The following VSTM2L variants were observed in gnomAD, a reference collection of about 807,000 sequenced individuals.
VSTM2L encodes V-set and transmembrane domain containing 2 like, also known as V-set and transmembrane domain-containing protein 2-like protein.
VSTM2L carries 9 observed loss-of-function variants against 19.9 expected under a neutral mutation model. That is an observed-to-expected ratio of 0.45 (90% CI 0.27 to 0.79). The LOEUF (loss-of-function observed/expected upper bound fraction) is 0.79. Among genes scored for constraint, VSTM2L ranks in the 30% least tolerant of loss-of-function variants. The pLI is 0.15. For synonymous variants in VSTM2L, 127 were observed against 133.8 expected (o/e 0.95, Z 0.35); for missense variants, 286 against 295.5 (o/e 0.97, Z 0.24).
intron 3 of VSTM2L, among the ~76,000 whole-genome samples, chr20:37,938,597 C>A (rs191238009): frequency 1.2e-4 from 19 of 152,338 alleles, no homozygotes; most frequent in African/African-American, 4.6e-4. Context: ...CCCGGAAAAG[C>A]CTGAGCTGTG....
intron 1 of VSTM2L, among the ~76,000 whole-genome samples, chr20:37,905,172 C>T (rs2072744836): frequency 6.6e-6 from 1 of 152,136 alleles, no homozygotes; most frequent in Non-Finnish European, 1.5e-5. Context: ...GAATTCCTCC[C>T]TCTCCACCCC....
intron 1 of VSTM2L, among the ~76,000 whole-genome samples, chr20:37,912,072 C>T (rs2072782898): frequency 6.6e-6 from 1 of 152,218 alleles, no homozygotes; most frequent in African/African-American, 2.4e-5. Flanking sequence ...CCCATTTACT[C>T]CCCACCATGC....
intron 3 of VSTM2L, among the ~76,000 whole-genome samples, chr20:37,941,390 G>A (rs1221020039): frequency 6.6e-6 from 1 of 152,226 alleles, no homozygotes; most frequent in Non-Finnish European, 1.5e-5. Context: ...AGAGGGCCCA[G>A]CACGCGCAAA....
chr20:37,939,912 C>T (rs4811361), intron 3 of VSTM2L, among the ~76,000 whole-genome samples: 22,916 of 152,120 alleles, frequency 0.15, 2,036 homozygotes, highest in African/African-American at 0.24. Context: ...AGGAAGAGCT[C>T]GTGTTCCTGA....
Position 37,931,491 on chromosome 20 carries a change from C to T in VSTM2L, c.122-144C>T. 3.4e-6 allele frequency: 3 copies of T among 881,152 alleles called. No individual in the cohort carries two copies. The South Asian group carries it at 5.0e-5, about 15-fold the overall frequency. 54.6% of individuals were successfully genotyped at this position (881,152 alleles called of 1,614,324 possible). ...TGCCCAGCTGAAGCCAGACCACTCC[C>T]ACCAGCGGGCTTGCAGGTCACCCCA... is the stretch of plus-strand genomic sequence containing the variant. On this transcript the variant is annotated intron_variant, in intron 1 of 3. Transcript: ENST00000373461.
chr20:37,923,529 C>T (rs192551836), intron 1 of VSTM2L, among the ~76,000 whole-genome samples: 1 of 152,204 alleles, frequency 6.6e-6, no homozygotes, highest in Non-Finnish European at 1.5e-5. Flanking sequence ...CCAGCGAGCC[C>T]AGCCCAGCTC....
intron 3 of VSTM2L, among the ~76,000 whole-genome samples, chr20:37,942,534 G>C (rs2072978365): frequency 6.6e-6 from 1 of 152,200 alleles, no homozygotes; most frequent in Non-Finnish European, 1.5e-5. Flanking sequence ...CCGATAACAG[G>C]TTGTGTCGAA....
intron 3 of VSTM2L, among the ~76,000 whole-genome samples, chr20:37,941,111 T>G (rs957263406): frequency 6.6e-6 from 1 of 152,214 alleles, no homozygotes; most frequent in Non-Finnish European, 1.5e-5. Flanking sequence ...ATTCAACAAA[T>G]GTTGATGATT....
At chr20:37,918,566 T>C (rs558325336) in intron 1 of VSTM2L, among the ~76,000 whole-genome samples, 48 of 152,384 alleles carry the variant, frequency 3.1e-4, no homozygotes, top group African/African-American at 1.1e-3. Flanking sequence ...ATTTTTCATT[T>C]ATGGCGGTAA....
intron 3 of VSTM2L, among the ~76,000 whole-genome samples, chr20:37,934,641 C>G (rs186104782): frequency 8.9e-4 from 135 of 152,272 alleles, no homozygotes; most frequent in Non-Finnish European, 8.1e-4. Context: ...GAGCTCAGGA[C>G]CCCAAGGCCA....
chr20:37,910,887 A>G (rs1271294082), intron 1 of VSTM2L, among the ~76,000 whole-genome samples: 2 of 151,328 alleles, frequency 1.3e-5, no homozygotes, highest in Non-Finnish European at 2.9e-5. Flanking sequence ...ACTGCACTCC[A>G]GCCTGGGTGA....
rs1600567982 is a variant in VSTM2L, at chr20:37,924,816, G to A, written c.122-6819G>A. ...ATTGAGCTGCCTGCTTTCAGTGGGGGTGAGAGGAACTGAGCTCCCCATCTC... is the reference window on the plus strand; with the variant it reads ...ATTGAGCTGCCTGCTTTCAGTGGGGATGAGAGGAACTGAGCTCCCCATCTC... On this transcript the variant is annotated intron_variant, in intron 1 of 3. Transcript: ENST00000373461. Among the ~76,000 whole-genome samples, 2 of 152,292 alleles carry A rather than the reference G, an allele frequency of 1.3e-5. 1 individual carries two copies. The highest frequency in any genetic ancestry group is 6.8e-3 in the Middle Eastern group (2 of 294).
At chr20:37,910,308 C>T (rs1464943086) in intron 1 of VSTM2L, among the ~76,000 whole-genome samples, 2 of 152,236 alleles carry the variant, frequency 1.3e-5, no homozygotes, top group African/African-American at 2.4e-5. Context: ...GGTGCGTGGG[C>T]ATGTCCGTGG....
At position 37,944,050 on chromosome 20, in the gene VSTM2L, GGCACCTACGAGTGCC is replaced by G; in HGVS notation, c.415_429del (p.Thr139_Arg143del). On this transcript the variant is annotated inframe_deletion, in exon 4 of 4. Coordinates refer to ENST00000373461, the MANE Select transcript of VSTM2L (RefSeq NM_080607.3). Reference sequence around the variant, plus strand: ...GTCCCGGGTGAAGCCCACGGACGAAGGCACCTACGAGTGCCGCGTCATCGACTTCAGCGACGGCAA... The same window carrying G: ...GTCCCGGGTGAAGCCCACGGACGAAGGCGTCATCGACTTCAGCGACGGCAA... 6.2e-7 allele frequency: 1 copy of G among 1,611,346 alleles called. No individual in the cohort carries two copies. Among genetic ancestry groups the G allele is most frequent in the Non-Finnish European group, 8.5e-7 (1 of 1,178,044 alleles).
chr20:37,937,173 A>G (rs2072945612), intron 3 of VSTM2L, among the ~76,000 whole-genome samples: 2 of 152,170 alleles, frequency 1.3e-5, no homozygotes, highest in Admixed American at 6.5e-5. Context: ...GTGAGCCGAG[A>G]TCGCACCACT....
chr20:37,944,945 T>A lies in VSTM2L; in HGVS notation c.*692T>A. 2.0e-6 allele frequency: 2 copies of A among 985,798 alleles called. No homozygotes were observed. Among genetic ancestry groups the A allele is most frequent in the South Asian group, 9.4e-5 (2 of 21,272 alleles). The allele number at this position is 985,798 out of a possible 1,614,324, so 61.1% of individuals were successfully genotyped here. A position where few individuals can be genotyped will look rare whatever the true frequency, so the allele number is the denominator to read the frequency against. Reference sequence around the variant, plus strand: ...GAGTCAGAAGGGAGGGGCCTTTCCCTCGGACCCATGGCCCCAGGCAGAGTT... The same window carrying A: ...GAGTCAGAAGGGAGGGGCCTTTCCCACGGACCCATGGCCCCAGGCAGAGTT... On this transcript the variant is annotated 3_prime_UTR_variant, in exon 4 of 4. Coordinates refer to ENST00000373461, the MANE Select transcript of VSTM2L (RefSeq NM_080607.3).
intron 1 of VSTM2L, 95 bp from the exon 2 acceptor site, chr20:37,931,539 GT>G: frequency 2.6e-6 from 2 of 766,144 alleles, no homozygotes; most frequent in Non-Finnish European, 3.9e-6. Flanking sequence ...ATCCCCCGCC[GT>G]GCAGGGCCAG....
At chr20:37,929,772 G>T (rs2072898316) in intron 1 of VSTM2L, among the ~76,000 whole-genome samples, 1 of 152,028 alleles carries the variant, frequency 6.6e-6, no homozygotes, top group African/African-American at 2.4e-5. Context: ...GGACCCACAG[G>T]GTTCCTTGAA....
chr20:37,939,774 T>G (rs1337892688), intron 3 of VSTM2L, among the ~76,000 whole-genome samples: 5 of 152,168 alleles, frequency 3.3e-5, no homozygotes, highest in Admixed American at 6.5e-5. Flanking sequence ...ACTCGCTAAG[T>G]GCTTGTTGAA....
Sources: allele counts gnomAD v4.1 joint callset (sites outside exome capture counted in the v4.1 genomes callset), GRCh38; gene constraint gnomAD v4.1.1; transcripts MANE v1.5; gene names NCBI Gene and HGNC (gene_info 2026-07-23, HGNC 2026-07-21).